The following PHF6 variants were observed in gnomAD, a reference collection of about 807,000 sequenced individuals.
The protein encoded by PHF6 is PHD-like zinc finger protein.
PHF6 carries 7 observed loss-of-function variants against 34.0 expected under a neutral mutation model. The ratio of observed to expected loss-of-function variants is 0.21; its 90% CI spans 0.12 to 0.39. The LOEUF (loss-of-function observed/expected upper bound fraction) is 0.39, where lower values mean the gene tolerates loss of function less well. PHF6 is among the 10% of genes least tolerant of loss of function. The pLI, the probability that PHF6 is intolerant of heterozygous loss-of-function variation, is 1.00. For missense variants in PHF6, 128 were observed against 262.8 expected (o/e 0.49, Z 3.55); for synonymous variants, 89 against 88.4 (o/e 1.01, Z -0.04).
chrX:134,393,520 G>A lies in PHF6; in HGVS notation c.260G>A (p.Cys87Tyr), dbSNP rs1002049485. Residue 87 changes from cysteine to tyrosine, a missense_variant, in exon 4 of 11, where the codon TGT (cysteine) becomes TAT (tyrosine). Cys to Tyr is a radical substitution (Grantham distance 194). Around this residue, in one of 3 missense-constraint regions of PHF6, gnomAD observed 97 missense variants for 152.9 expected, o/e 0.63. Coordinates refer to ENST00000370803, the MANE Select transcript of PHF6 (RefSeq NM_001015877.2). ...GTKLMCSLCH[C>Y]PGATIGCDVK... ...CTGTAGATGTGTTCTTTGTGCCATTGTCCTGGAGCAACAATTGGTTGTGAT... is the reference window on the plus strand; with the variant it reads ...CTGTAGATGTGTTCTTTGTGCCATTATCCTGGAGCAACAATTGGTTGTGAT... 4 of 1,209,672 alleles carry A rather than the reference G, an allele frequency of 3.3e-6. No individual in the cohort carries two copies. The highest frequency in any genetic ancestry group is 3.5e-5 in the African/African-American group (2 of 57,297).
At chrX:134,409,747 G>T (rs1474611071) in intron 5 of PHF6, among the ~76,000 whole-genome samples, 1 of 108,598 alleles carries the variant, frequency 9.2e-6, no homozygotes, top group Non-Finnish European at 1.9e-5. Flanking sequence ...TATGAATGAT[G>T]CCATTACCCA....
chrX:134,424,551 G>A (rs2077501720), intron 9 of PHF6, among the ~76,000 whole-genome samples: 1 of 112,000 alleles, frequency 8.9e-6, no homozygotes, highest in Non-Finnish European at 1.9e-5. Flanking sequence ...ACCACAATTA[G>A]ACAAGTCCAG....
chrX:134,423,196 G>C (rs2077497528), intron 9 of PHF6, among the ~76,000 whole-genome samples: 1 of 111,680 alleles, frequency 9.0e-6, no homozygotes, highest in African/African-American at 3.2e-5. Context: ...CATTTGCCCA[G>C]TTGTATAAAA....
At chrX:134,399,654 CACACACACACACACAG>C (rs753866933) in intron 5 of PHF6, among the ~76,000 whole-genome samples, 31 of 106,123 alleles carry the variant, frequency 2.9e-4, no homozygotes, top group South Asian at 1.6e-3. Context: ...CCCTAACATA[CACACACACACACACAG>C]ACACACACAC....
At chrX:134,399,372 C>T (rs1242515007) in intron 5 of PHF6, among the ~76,000 whole-genome samples, 2 of 110,737 alleles carry the variant, frequency 1.8e-5, no homozygotes, top group Non-Finnish European at 3.8e-5. Flanking sequence ...ACTAAGAGTA[C>T]CCTAATGTAA....
chrX:134,415,478 T>G (rs1006496987), intron 8 of PHF6, among the ~76,000 whole-genome samples: 3 of 112,104 alleles, frequency 2.7e-5, no homozygotes, highest in South Asian at 7.3e-4. Flanking sequence ...GCTTTCTGTT[T>G]AAAGAACACA....
chrX:134,416,211 C>G (rs1224455237), intron 8 of PHF6, among the ~76,000 whole-genome samples: 1 of 110,857 alleles, frequency 9.0e-6, no homozygotes. Flanking sequence ...CCACCCACCT[C>G]GGCTTCCCAA....
intron 3 of PHF6, among the ~76,000 whole-genome samples, chrX:134,391,835 T>G (rs1246143744): frequency 8.9e-6 from 1 of 111,768 alleles, no homozygotes; most frequent in Non-Finnish European, 1.9e-5. Flanking sequence ...AGAATTTCTT[T>G]AATATAATAG....
In PHF6 at chrX:134,414,886, G is replaced by T. The variant is rs759788090; in HGVS notation, c.730-130G>T. The T allele has an allele frequency of 7.4e-5, 38 of 514,832 alleles. No individual in the cohort carries two copies. In the South Asian group the frequency reaches 1.3e-3, roughly 17 times the overall value. The allele number at this position is 514,832 out of a possible 1,213,427, so 42.4% of individuals were successfully genotyped here. A position where few individuals can be genotyped will look rare whatever the true frequency, so the allele number is the denominator to read the frequency against. On this transcript the variant is annotated intron_variant, in intron 7 of 10. Coordinates refer to ENST00000370803, the MANE Select transcript of PHF6 (RefSeq NM_001015877.2). ...ACATGTAAATATATTAAAAATATTT[G>T]AGCAGATACTTGATTATTAAGGAAA...
intron 1 of PHF6, among the ~76,000 whole-genome samples, chrX:134,374,859 A>G (rs181886853): frequency 1.3e-3 from 149 of 112,036 alleles, no homozygotes; most frequent in Non-Finnish European, 2.2e-3. Flanking sequence ...CCATAATGCG[A>G]TGTTTCTTTT....
chrX:134,415,366 G>T, intron 8 of PHF6: 1 of 430,295 alleles, frequency 2.3e-6, no homozygotes, highest in Non-Finnish European at 3.9e-6. Flanking sequence ...CAAGGCATTT[G>T]CAAGCCGTTT....
chrX:134,390,918 A>C (rs984600045), intron 3 of PHF6, among the ~76,000 whole-genome samples: 14 of 106,838 alleles, frequency 1.3e-4, no homozygotes, highest in African/African-American at 4.8e-4. Context: ...ACATTCTCTC[A>C]TATGTGTATA....
At chrX:134,424,259 A>T (rs2077501002) in intron 9 of PHF6, among the ~76,000 whole-genome samples, 1 of 111,825 alleles carries the variant, frequency 8.9e-6, no homozygotes, top group African/African-American at 3.2e-5. Context: ...ACCAAGCATG[A>T]TATCAAATTA....
At chrX:134,391,541 A>G (rs2077354571) in intron 3 of PHF6, among the ~76,000 whole-genome samples, 1 of 111,628 alleles carries the variant, frequency 9.0e-6, no homozygotes, top group African/African-American at 3.3e-5. Flanking sequence ...AGCTCAATAT[A>G]GTATTTTAAA....
chrX:134,390,457 T>G (rs1051567003), intron 3 of PHF6, among the ~76,000 whole-genome samples: 1 of 112,242 alleles, frequency 8.9e-6, no homozygotes, highest in Non-Finnish European at 1.9e-5. Flanking sequence ...TGTAGTTAAC[T>G]GGTTATTTGC....
At chrX:134,407,097 A>T (rs1338004559) in intron 5 of PHF6, among the ~76,000 whole-genome samples, 1 of 112,130 alleles carries the variant, frequency 8.9e-6, no homozygotes, top group African/African-American at 3.2e-5. Flanking sequence ...CAGCTCTGCC[A>T]TTCTCTAGCT....
At chrX:134,408,418 C>A (rs915634780) in intron 5 of PHF6, among the ~76,000 whole-genome samples, 1 of 111,837 alleles carries the variant, frequency 8.9e-6, no homozygotes, top group African/African-American at 3.3e-5. Flanking sequence ...AGTACTGTCA[C>A]GTGGCTTCTG....
intron 5 of PHF6, among the ~76,000 whole-genome samples, chrX:134,394,473 G>C (rs762727362): frequency 1.1e-3 from 124 of 110,078 alleles, no homozygotes; most frequent in African/African-American, 3.9e-3. Context: ...CAAAGTCCTT[G>C]TAAAGTATAT....
At chrX:134,401,937 A>G (rs1306649990) in intron 5 of PHF6, among the ~76,000 whole-genome samples, 1 of 111,063 alleles carries the variant, frequency 9.0e-6, no homozygotes, top group African/African-American at 3.3e-5. Context: ...GTAGATTTGA[A>G]GCCTTTACCT....
Sources: allele counts gnomAD v4.1 joint callset (sites outside exome capture counted in the v4.1 genomes callset), GRCh38; gene constraint gnomAD v4.1.1; regional missense constraint gnomAD v4.1.1; transcripts MANE v1.5; gene names NCBI Gene and HGNC (gene_info 2026-07-23, HGNC 2026-07-21).